The following CKAP5 variants were observed in gnomAD, a reference collection of about 807,000 sequenced individuals.
CKAP5 encodes cytoskeleton associated protein 5, also known as cytoskeleton-associated protein 5.
Under a neutral mutation model 232.8 loss-of-function variants are expected in CKAP5, and 27 were observed. The ratio of observed to expected loss-of-function variants is 0.12; its 90% CI spans 0.09 to 0.16. The LOEUF (loss-of-function observed/expected upper bound fraction) is 0.16. Among genes scored for constraint, CKAP5 ranks in the 10% least tolerant of loss-of-function variants. The probability of loss-of-function intolerance (pLI) is 1.00; values close to 1 mark genes in which losing one functional copy is unlikely to be tolerated. For missense variants in CKAP5, 1,838 were observed against 2,424.7 expected (o/e 0.76, Z 5.08); for synonymous variants, 785 against 841.1 (o/e 0.93, Z 1.16).
chr11:46,756,254 TA>T (rs544795004), intron 35 of CKAP5, among the ~76,000 whole-genome samples: 64 of 152,336 alleles, frequency 4.2e-4, no homozygotes, highest in Admixed American at 7.2e-4. Flanking sequence ...TAGTGGCACA[TA>T]ATATCTTTCA....
At chr11:46,805,091 C>A (rs1314330195) in intron 8 of CKAP5, among the ~76,000 whole-genome samples, 2 of 151,414 alleles carry the variant, frequency 1.3e-5, no homozygotes, top group East Asian at 3.9e-4. Flanking sequence ...AAAAATTAGC[C>A]GGGCATGGTG....
At chr11:46,749,138 G>C (rs1454748779) in intron 42 of CKAP5, among the ~76,000 whole-genome samples, 1 of 151,602 alleles carries the variant, frequency 6.6e-6, no homozygotes, top group Non-Finnish European at 1.5e-5. Context: ...CAGGACTTTA[G>C]TTTTTGACAT....
chr11:46,834,224 A>G (rs2134713048), intron 1 of CKAP5, among the ~76,000 whole-genome samples: 1 of 152,188 alleles, frequency 6.6e-6, no homozygotes, highest in Middle Eastern at 3.4e-3. Flanking sequence ...TTGATATAAG[A>G]GTGGGCTAAC....
chr11:46,752,571 C>T, intron 38 of CKAP5, 64 bp downstream of exon 38: 1 of 1,277,318 alleles, frequency 7.8e-7, no homozygotes. Flanking sequence ...TTCCTCTTTC[C>T]CCATACTTTT....
intron 9 of CKAP5, among the ~76,000 whole-genome samples, chr11:46,799,107 C>T (rs1938966827): frequency 6.6e-6 from 1 of 152,124 alleles, no homozygotes; most frequent in Admixed American, 6.5e-5. Context: ...TCAAGTAATC[C>T]TCTCATCTCA....
intron 15 of CKAP5, 46 bp downstream of exon 15, chr11:46,790,030 A>G (rs965858271): frequency 1.2e-5 from 16 of 1,281,276 alleles, no homozygotes; most frequent in Admixed American, 7.4e-5. Context: ...CGCTGCTTCC[A>G]TATAATCTAA....
intron 5 of CKAP5, among the ~76,000 whole-genome samples, chr11:46,810,109 T>C (rs1461679913): frequency 6.6e-6 from 1 of 151,860 alleles, no homozygotes; most frequent in East Asian, 1.9e-4. Flanking sequence ...GTGGCTAGGA[T>C]TACAGGTGTG....
At position 46,816,701 on chromosome 11, in the gene CKAP5, C is replaced by T. The variant is rs548834780; in HGVS notation, c.252-297G>A. Among the ~76,000 whole-genome samples the T allele has an allele frequency of 1.5e-4, 23 of 152,198 alleles. No homozygotes were observed. The South Asian group carries it at 4.8e-3, about 32-fold the overall frequency. ...CTACTTTCAACTTTTTGATATCCCT[C>T]CTTCCAGACCTTTCTCTAAGTGTGT... On this transcript the variant is annotated intron_variant, in intron 3 of 43. Transcript: ENST00000529230.
chr11:46,770,496 A>G (rs1297118784), intron 25 of CKAP5, among the ~76,000 whole-genome samples: 1 of 152,202 alleles, frequency 6.6e-6, no homozygotes, highest in Non-Finnish European at 1.5e-5. Context: ...CAGTGGCACG[A>G]TCTCAGCTGA....
intron 8 of CKAP5, 142 bp from the exon 9 acceptor site, chr11:46,801,446 G>C: frequency 1.8e-6 from 1 of 567,234 alleles, no homozygotes; most frequent in Non-Finnish European, 3.2e-6. Context: ...AAGGTGGGTG[G>C]ACCACCTGAG....
In CKAP5 at chr11:46,778,197, T is replaced by C. The variant is rs1424770629; in HGVS notation, c.2690A>G (p.Asn897Ser). Residue 897 changes from asparagine to serine, a missense_variant, in exon 22 of 44, where the codon AAT becomes AGT. Asn to Ser is a conservative substitution (Grantham distance 46). Coordinates refer to ENST00000529230, the MANE Select transcript of CKAP5 (RefSeq NM_001008938.4). ...IINDAKFIQP[N>S]IGELPTALKG... ...CAAGGCAGTTGGAAGTTCACCTATA[T>C]TCGGTTGGATAAATTTTGCGTCATT... is the stretch of plus-strand genomic sequence containing the variant. 1.9e-6 allele frequency: 3 copies of C among 1,614,116 alleles called. No individual in the cohort carries two copies. Among genetic ancestry groups the C allele is most frequent in the Admixed American group, 1.7e-5 (1 of 60,014 alleles).
rs2065192769 is a variant in CKAP5 at position 46,765,249 on chromosome 11, T to C, written c.3419A>G (p.Gln1140Arg). The C allele has an allele frequency of 6.2e-7, 1 of 1,611,394 alleles. No homozygotes were observed. The highest frequency in any genetic ancestry group is 1.3e-5 in the African/African-American group (1 of 74,790). Residue 1140 changes from glutamine (Q) to arginine (R), a missense_variant, in exon 28 of 44, where the codon CAA (glutamine) becomes CGA (arginine). Coordinates refer to ENST00000529230, the MANE Select transcript of CKAP5 (RefSeq NM_001008938.4). ...PGLSSKAKSA[Q>R]GKKMPSKTSL... ...GGTTTTGCTTGGCATCTTCTTCCCT[T>C]GTGCACTCTACAACCAAGGTTCAGG...
intron 8 of CKAP5, among the ~76,000 whole-genome samples, chr11:46,807,091 G>A (rs1939173016): frequency 6.6e-6 from 1 of 152,128 alleles, no homozygotes; most frequent in African/African-American, 2.4e-5. Context: ...CTTCAATCAG[G>A]CAAGAGTTAC....
intron 21 of CKAP5, 63 bp from the exon 22 acceptor site, chr11:46,778,376 T>C: frequency 6.2e-7 from 1 of 1,601,584 alleles, no homozygotes; most frequent in Non-Finnish European, 8.5e-7. Flanking sequence ...CACGTTAAGT[T>C]CCCCTCACTG....
At chr11:46,752,800 A>G (rs536514187) in intron 37 of CKAP5, 90 bp from the exon 38 acceptor site, 10 of 902,626 alleles carry the variant, frequency 1.1e-5, no homozygotes, top group African/African-American at 3.4e-5. Flanking sequence ...AGATTACTCT[A>G]TTCATCTAAT....
intron 13 of CKAP5, among the ~76,000 whole-genome samples, chr11:46,793,998 G>C (rs140248004): frequency 6.6e-6 from 1 of 152,070 alleles, no homozygotes; most frequent in Non-Finnish European, 1.5e-5. Flanking sequence ...GTACCAAGGC[G>C]GTTTAATGGG....
rs75774146 is a variant in CKAP5, at chr11:46,808,214, T to C, written c.865-70A>G. 276 of 982,800 alleles carry C rather than the reference T, an allele frequency of 2.8e-4. 1 individual carries two copies. The East Asian group carries it at 5.5e-3, about 20-fold the overall frequency. The allele number at this position is 982,800 out of a possible 1,614,324, so 60.9% of individuals were successfully genotyped here. ...CGGAATAAAAGTCTATTTATTGCAC[T>C]CTGCTAATTCAAAGATACATAATTT... is the stretch of plus-strand genomic sequence containing the variant. On this transcript the variant is annotated intron_variant, in intron 7 of 43. Coordinates refer to ENST00000529230, the MANE Select transcript of CKAP5 (RefSeq NM_001008938.4).
Position 46,759,407 on chromosome 11 carries a change from G to A in CKAP5, c.4430C>T (p.Ala1477Val). The change falls in exon 34 of 44, where the codon GCC (alanine) becomes GTC (valine). Residue 1477 changes from alanine (A) to valine (V), a missense_variant. Around this residue, in one of 6 missense-constraint regions of CKAP5, gnomAD observed 579 missense variants for 843.2 expected, o/e 0.69. Transcript: ENST00000529230. ...CTGGAATTCTCGGCGGACCATCTGG[G>A]CTGCCTCAGGATGCCCACTCATGCT... ...ARSMSGHPEA[A>V]QMVRREFQLD... The A allele has an allele frequency of 1.9e-6, 3 of 1,614,052 alleles. No individual in the cohort carries two copies. Among genetic ancestry groups the A allele is most frequent in the Non-Finnish European group, 2.5e-6 (3 of 1,179,996 alleles).
chr11:46,799,386 T>A (rs1325496970), intron 9 of CKAP5, among the ~76,000 whole-genome samples: 3 of 152,226 alleles, frequency 2.0e-5, no homozygotes, highest in Non-Finnish European at 4.4e-5. Context: ...GTTCAAGGAC[T>A]ATGGTTCCCA....
Sources: allele counts gnomAD v4.1 joint callset (sites outside exome capture counted in the v4.1 genomes callset), GRCh38; gene constraint gnomAD v4.1.1; regional missense constraint gnomAD v4.1.1; transcripts MANE v1.5; gene names NCBI Gene and HGNC (gene_info 2026-07-23, HGNC 2026-07-21).